NDST4: variants seen among roughly 807,000 people sequenced by gnomAD.
NDST4 encodes N-deacetylase and N-sulfotransferase 4, also known as N-heparan sulfate sulfotransferase 4.
In NDST4, 63 loss-of-function variants were observed where a neutral mutation model predicts 100.8. That is an observed-to-expected ratio of 0.62 (90% CI 0.51 to 0.77). The LOEUF (loss-of-function observed/expected upper bound fraction) is 0.77, where lower values mean the gene tolerates loss of function less well. Among genes scored for constraint, NDST4 ranks in the 30% least tolerant of loss-of-function variants. The pLI is 0.00. For synonymous variants in NDST4, 377 were observed against 361.8 expected (o/e 1.04, Z -0.48); for missense variants, 943 against 1,018.4 (o/e 0.93, Z 1.01).
Position 115,076,069 on chromosome 4 carries a change from T to C in NDST4, c.968A>G (p.Lys323Arg). 1.2e-6 allele frequency: 2 copies of C among 1,606,720 alleles called. No individual in the cohort carries two copies. The highest frequency in any genetic ancestry group is 1.7e-6 in the Non-Finnish European group (2 of 1,176,052). Reference protein sequence around the residue: ...VGKEGTRMNVKDVKALLETQN... With the variant: ...VGKEGTRMNVRDVKALLETQN... Reference sequence around the variant, plus strand: ...TATAAATAAGCTTACCTTCACATCTTTGACATTCATCCTTGTTCCCTCTTT... The same window carrying C: ...TATAAATAAGCTTACCTTCACATCTCTGACATTCATCCTTGTTCCCTCTTT... The change falls in exon 2 of 14, where the codon AAA (lysine) becomes AGA (arginine). Residue 323 changes from lysine (K) to arginine (R), a missense_variant. Transcript: ENST00000264363.
At position 114,986,745 on chromosome 4, in the gene NDST4, G is replaced by A. The variant is rs115675494; in HGVS notation, c.979-9471C>T. Among the ~76,000 whole-genome samples, 944 of 136,422 alleles carry A rather than the reference G, an allele frequency of 6.9e-3. 8 individuals are homozygous for A. Among genetic ancestry groups the A allele is most frequent in the African/African-American group, 0.023 (823 of 35,792 alleles). 89.5% of individuals were successfully genotyped at this position (136,422 alleles called of 152,430 possible). On this transcript the variant is annotated intron_variant, in intron 2 of 13. Transcript: ENST00000264363. ...TCAAATGGTATCAGTTAGGGCACTG[G>A]CATTTTTGTTTATAATTTAGTTCCT...
chr4:114,965,467 GA>G (rs374204407), intron 4 of NDST4, among the ~76,000 whole-genome samples: 2,273 of 151,944 alleles, frequency 0.015, 67 homozygotes, highest in African/African-American at 0.052. Context: ...GTGTAATTAT[GA>G]AAAAAGTTAT....
At chr4:114,958,014 G>A (rs2126234864) in intron 4 of NDST4, among the ~76,000 whole-genome samples, 1 of 152,316 alleles carries the variant, frequency 6.6e-6, no homozygotes, top group South Asian at 2.1e-4. Flanking sequence ...CACGGTGCAA[G>A]CCATTGGTGG....
At chr4:115,087,059 A>C (rs2126293345) in intron 1 of NDST4, among the ~76,000 whole-genome samples, 1 of 152,110 alleles carries the variant, frequency 6.6e-6, no homozygotes, top group Non-Finnish European at 1.5e-5. Flanking sequence ...AATGCCCAGA[A>C]TGTGTGGACC....
At chr4:115,068,091 A>C (rs993187260) in intron 2 of NDST4, among the ~76,000 whole-genome samples, 3 of 152,038 alleles carry the variant, frequency 2.0e-5, no homozygotes, top group African/African-American at 7.2e-5. Flanking sequence ...TGTTGGAACT[A>C]ACTGAAACTT....
chr4:114,987,071 G>A (rs1415161440), intron 2 of NDST4, among the ~76,000 whole-genome samples: 5 of 151,664 alleles, frequency 3.3e-5, no homozygotes, highest in African/African-American at 1.2e-4. Flanking sequence ...AGCTAGTTAG[G>A]ATTTCTTTGA....
At chr4:115,027,649 T>C (rs1205067039) in intron 2 of NDST4, among the ~76,000 whole-genome samples, 1 of 152,176 alleles carries the variant, frequency 6.6e-6, no homozygotes, top group South Asian at 2.1e-4. Context: ...ATATCCTGAT[T>C]GATTTTGTAA....
chr4:114,893,294 G>C (rs904916806), intron 6 of NDST4, among the ~76,000 whole-genome samples: 1 of 152,040 alleles, frequency 6.6e-6, no homozygotes, highest in African/African-American at 2.4e-5. Flanking sequence ...GGTATTTCTG[G>C]TTCTAGATCC....
chr4:115,057,737 C>CACACAG (rs1553920457), intron 2 of NDST4, among the ~76,000 whole-genome samples: 44 of 73,906 alleles, frequency 6.0e-4, no homozygotes, highest in South Asian at 1.7e-3. Flanking sequence ...CACACACAGA[C>CACACAG]ACACACACAC....
intron 6 of NDST4, among the ~76,000 whole-genome samples, chr4:114,932,076 A>T (rs1474434664): frequency 6.6e-6 from 1 of 151,926 alleles, no homozygotes; most frequent in Non-Finnish European, 1.5e-5. Flanking sequence ...TCTGACAAAC[A>T]TAGAGACAAA....
chr4:115,049,140 T>C (rs1424013215), intron 2 of NDST4, among the ~76,000 whole-genome samples: 1 of 152,192 alleles, frequency 6.6e-6, no homozygotes, highest in Non-Finnish European at 1.5e-5. Flanking sequence ...TTGCCTCATC[T>C]TTACAGTCAG....
chr4:114,901,923 C>T (rs1272716601), intron 6 of NDST4, among the ~76,000 whole-genome samples: 1 of 151,810 alleles, frequency 6.6e-6, no homozygotes, highest in Non-Finnish European at 1.5e-5. Context: ...CATTATACTG[C>T]TTCATGCGTA....
chr4:115,006,001 C>T (rs1727405984), intron 2 of NDST4, among the ~76,000 whole-genome samples: 1 of 135,036 alleles, frequency 7.4e-6, no homozygotes, highest in Non-Finnish European at 1.5e-5. Context: ...CACTGCACTC[C>T]AGCCTGGGTG....
chr4:114,836,228 G>A (rs1160426591), intron 11 of NDST4, among the ~76,000 whole-genome samples: 1 of 152,088 alleles, frequency 6.6e-6, no homozygotes, highest in Non-Finnish European at 1.5e-5. Flanking sequence ...ATATTTTGAT[G>A]TGTTTTTGCA....
intron 6 of NDST4, among the ~76,000 whole-genome samples, chr4:114,906,764 T>C (rs1159460856): frequency 2.0e-5 from 3 of 152,028 alleles, no homozygotes; most frequent in African/African-American, 7.2e-5. Context: ...TATAATGATC[T>C]TTTTGTAGAC....
At chr4:115,046,907 T>G (rs1186475846) in intron 2 of NDST4, among the ~76,000 whole-genome samples, 1 of 152,020 alleles carries the variant, frequency 6.6e-6, no homozygotes, top group East Asian at 1.9e-4. Flanking sequence ...AATGACTTCC[T>G]TTTCATATAT....
chr4:114,919,728 G>A (rs149359982), intron 6 of NDST4, among the ~76,000 whole-genome samples: 7 of 152,268 alleles, frequency 4.6e-5, no homozygotes, highest in Middle Eastern at 3.4e-3. Context: ...TCTATTTTAC[G>A]TTTAACAATA....
At chr4:115,082,070 A>G (rs2126291796) in intron 1 of NDST4, among the ~76,000 whole-genome samples, 1 of 152,208 alleles carries the variant, frequency 6.6e-6, no homozygotes, top group African/African-American at 2.4e-5. Context: ...ACCCCTGCAC[A>G]GGCTTTGATA....
chr4:115,106,239 T>A (rs473989), intron 1 of NDST4, among the ~76,000 whole-genome samples: 1 of 151,960 alleles, frequency 6.6e-6, no homozygotes, highest in Non-Finnish European at 1.5e-5. Flanking sequence ...CAGACTTGTA[T>A]TAAATAGGAT....
Sources: allele counts gnomAD v4.1 joint callset (sites outside exome capture counted in the v4.1 genomes callset), GRCh38; gene constraint gnomAD v4.1.1; transcripts MANE v1.5; gene names NCBI Gene and HGNC (gene_info 2026-07-23, HGNC 2026-07-21).